The following CIMIP2C variants were observed in gnomAD, a reference collection of about 807,000 sequenced individuals.
CIMIP2C encodes ciliary microtubule inner protein 2C.
chr2:26,566,288 ATC>A, the CIMIP2C span, among the ~76,000 whole-genome samples: 1 of 152,094 alleles, frequency 6.6e-6, no homozygotes, highest in South Asian at 2.1e-4. Context: ...TTGTGCCCAC[ATC>A]TGTCACTGAG....
At chr2:26,567,927 T>C in the CIMIP2C span, among the ~76,000 whole-genome samples, 1 of 152,176 alleles carries the variant, frequency 6.6e-6, no homozygotes, top group Non-Finnish European at 1.5e-5. Context: ...GCCCCTTGCA[T>C]TGCAGACCAC....
the CIMIP2C span, among the ~76,000 whole-genome samples, chr2:26,567,793 G>A: frequency 2.0e-5 from 3 of 152,246 alleles, no homozygotes; most frequent in East Asian, 1.9e-4. Context: ...ACCTGTGTTC[G>A]GGCCCCATCT....
the CIMIP2C span, among the ~76,000 whole-genome samples, chr2:26,570,139 T>C: frequency 6.6e-6 from 1 of 152,194 alleles, no homozygotes; most frequent in East Asian, 1.9e-4. Context: ...AGGAGAGGGC[T>C]TCTATTCTAT....
chr2:26,574,736 A>C, the CIMIP2C span, among the ~76,000 whole-genome samples: 2 of 152,242 alleles, frequency 1.3e-5, no homozygotes, highest in Non-Finnish European at 2.9e-5. Context: ...GGCAAAAGCA[A>C]CAGAAAGGAG....
the CIMIP2C span, chr2:26,578,520 A>G: frequency 1.6e-5 from 4 of 254,010 alleles, no homozygotes; most frequent in East Asian, 4.2e-4. Context: ...AGGCTCATTG[A>G]TCGCCTGGGG....
At chr2:26,576,069 T>C in the CIMIP2C span, 1 of 1,614,066 alleles carries the variant, frequency 6.2e-7, no homozygotes, top group Non-Finnish European at 8.5e-7. Flanking sequence ...CCCAACCTCC[T>C]GCTGATGGAG....
the CIMIP2C span, among the ~76,000 whole-genome samples, chr2:26,566,946 G>A: frequency 6.6e-6 from 1 of 152,312 alleles, no homozygotes; most frequent in African/African-American, 2.4e-5. Context: ...TTGGGCTCAA[G>A]CCATTTGCCT....
the CIMIP2C span, among the ~76,000 whole-genome samples, chr2:26,565,521 C>T: frequency 4.6e-5 from 7 of 152,332 alleles, no homozygotes; most frequent in South Asian, 4.1e-4. Context: ...TCTCCCCAAC[C>T]GTCATGTGGT....
the CIMIP2C span, among the ~76,000 whole-genome samples, chr2:26,565,789 T>C: frequency 6.6e-6 from 1 of 152,216 alleles, no homozygotes; most frequent in Non-Finnish European, 1.5e-5. Context: ...TAGTTAGATC[T>C]CTACTGTGTT....
At chr2:26,562,608 C>T in the CIMIP2C span, 12 of 1,574,736 alleles carry the variant, frequency 7.6e-6, no homozygotes, top group Non-Finnish European at 1.0e-5. Flanking sequence ...ACTCGCGCAC[C>T]CACCATGGCC....
the CIMIP2C span, among the ~76,000 whole-genome samples, chr2:26,565,168 C>A: frequency 1.3e-5 from 2 of 151,842 alleles, no homozygotes; most frequent in Admixed American, 1.3e-4. Flanking sequence ...CGGCTCACAG[C>A]AACCTCTGCC....
the CIMIP2C span, among the ~76,000 whole-genome samples, chr2:26,569,136 G>A: frequency 6.6e-6 from 1 of 152,128 alleles, no homozygotes; most frequent in African/African-American, 2.4e-5. Flanking sequence ...GGGTCATGGA[G>A]GCTCCATGGG....
At chr2:26,574,993 G>A in the CIMIP2C span, among the ~76,000 whole-genome samples, 6 of 152,238 alleles carry the variant, frequency 3.9e-5, no homozygotes, top group South Asian at 4.1e-4. Flanking sequence ...CGAGTCTGGC[G>A]CCTGTACTCT....
chr2:26,576,373 T>C, the CIMIP2C span, among the ~76,000 whole-genome samples: 2 of 152,132 alleles, frequency 1.3e-5, no homozygotes, highest in Non-Finnish European at 2.9e-5. Flanking sequence ...ACTTTGCCCC[T>C]CTGATCTCTC....
At chr2:26,571,141 T>C in the CIMIP2C span, among the ~76,000 whole-genome samples, 1 of 152,020 alleles carries the variant, frequency 6.6e-6, no homozygotes, top group African/African-American at 2.4e-5. Flanking sequence ...GACCCAGAGG[T>C]AGAGAGGCTG....
At chr2:26,569,153 G>A in the CIMIP2C span, among the ~76,000 whole-genome samples, 1 of 152,206 alleles carries the variant, frequency 6.6e-6, no homozygotes, top group African/African-American at 2.4e-5. Context: ...TGGGAAAGAG[G>A]GCATTCAAGA....
chr2:26,577,425 C>A, the CIMIP2C span: 4 of 1,259,278 alleles, frequency 3.2e-6, no homozygotes, highest in Non-Finnish European at 4.6e-6. Context: ...GCCCCCAACC[C>A]TGCCCAGGTG....
chr2:26,569,847 C>T, the CIMIP2C span, among the ~76,000 whole-genome samples: 2 of 152,166 alleles, frequency 1.3e-5, no homozygotes, highest in Admixed American at 1.3e-4. Context: ...CACTCGATGC[C>T]CTGTTATAAA....
the CIMIP2C span, among the ~76,000 whole-genome samples, chr2:26,565,007 CACA>C: frequency 6.6e-6 from 1 of 152,106 alleles, no homozygotes. Flanking sequence ...CTGGGCCCTT[CACA>C]ACATTTTCTT....
Sources: allele counts gnomAD v4.1 joint callset (sites outside exome capture counted in the v4.1 genomes callset), GRCh38; gene constraint gnomAD v4.1.1; transcripts MANE v1.5; gene names NCBI Gene and HGNC (gene_info 2026-07-23, HGNC 2026-07-21).